Variants in TOPAZ1 observed in about 807,000 individuals in gnomAD.
TOPAZ1 encodes protein TOPAZ1.
Under a neutral mutation model 172.2 loss-of-function variants are expected in TOPAZ1, and 66 were observed. The observed-to-expected ratio is 0.38, with a 90% CI of 0.31 to 0.47. TOPAZ1 has a LOEUF of 0.47. TOPAZ1 is among the 20% of genes least tolerant of loss of function. The probability of loss-of-function intolerance (pLI) is 0.99; values close to 1 mark genes in which losing one functional copy is unlikely to be tolerated. For missense variants in TOPAZ1, 1,822 were observed against 1,972.4 expected (o/e 0.92, Z 1.44); for synonymous variants, 681 against 683.9 (o/e 1.00, Z 0.07).
intron 12 of TOPAZ1, among the ~76,000 whole-genome samples, chr3:44,295,462 T>G (rs1488871589): frequency 1.3e-5 from 2 of 152,188 alleles, no homozygotes; most frequent in Non-Finnish European, 2.9e-5. Flanking sequence ...AGGATTGCAG[T>G]TGGCAGAATA....
At chr3:44,312,557 T>C (rs1473951624) in intron 16 of TOPAZ1, among the ~76,000 whole-genome samples, 4 of 152,164 alleles carry the variant, frequency 2.6e-5, no homozygotes, top group Admixed American at 2.6e-4. Context: ...TTTTGTTTGG[T>C]GAGTGACAGA....
chr3:44,254,672 G>A (rs1381280930), intron 2 of TOPAZ1, among the ~76,000 whole-genome samples: 1 of 148,976 alleles, frequency 6.7e-6, no homozygotes, highest in Non-Finnish European at 1.5e-5. Context: ...ACACTATCTC[G>A]TATTGGTGTA....
chr3:44,242,268 CA>C lies in TOPAZ1; in HGVS notation c.216del (p.Ala74LeufsTer16). 6.5e-7 allele frequency: 1 copy of C among 1,550,098 alleles called. No individual in the cohort carries two copies. Among genetic ancestry groups the C allele is most frequent in the Admixed American group, 2.0e-5 (1 of 50,262 alleles). ...EVESDKSVAA[S>X]GAGKAARRQV... is the part of the protein sequence containing the mutation. ...GAAAGTGATAAGTCGGTTGCAGCAT[CA>C]GGGGCTGGAAAGGCCGCAAGGCGTC... On this transcript the variant is annotated frameshift_variant, in exon 1 of 20. Coordinates refer to ENST00000309765, the MANE Select transcript of TOPAZ1 (RefSeq NM_001145030.2). LOFTEE classifies it high-confidence loss of function.
At chr3:44,329,455 C>T (rs968226895) in intron 19 of TOPAZ1, among the ~76,000 whole-genome samples, 4 of 152,204 alleles carry the variant, frequency 2.6e-5, no homozygotes, top group African/African-American at 9.7e-5. Context: ...ACATGACTGA[C>T]AGCTAATTTC....
At chr3:44,256,406 C>G (rs1200873813) in intron 4 of TOPAZ1, 128 bp downstream of exon 4, 2 of 849,542 alleles carry the variant, frequency 2.4e-6, no homozygotes, top group African/African-American at 1.8e-5. Flanking sequence ...TCACGTCACT[C>G]TAGCCATGGG....
intron 19 of TOPAZ1, among the ~76,000 whole-genome samples, chr3:44,329,255 G>A (rs546235911): frequency 9.8e-5 from 15 of 152,286 alleles, no homozygotes; most frequent in South Asian, 2.1e-4. Context: ...GTCCTGGCTC[G>A]GGAATTTTCA....
chr3:44,243,289 G>A lies in TOPAZ1; in HGVS notation c.783G>A (p.Lys261=), dbSNP rs1397046865. Residue 261 remains lysine, a synonymous_variant, in exon 2 of 20, where the codon AAG becomes AAA. Transcript: ENST00000309765. ...GCMHVAENFS[K]KENLRSLAEK... Reference sequence around the variant, plus strand: ...TGCATGTAGCAGAAAATTTCTCAAAGAAAGAAAACCTTAGGAGTCTTGCAG... The same window carrying A: ...TGCATGTAGCAGAAAATTTCTCAAAAAAAGAAAACCTTAGGAGTCTTGCAG... The A allele has an allele frequency of 1.9e-6, 3 of 1,551,446 alleles. No individual in the cohort carries two copies. The Admixed American group carries it at 5.9e-5, about 30-fold the overall frequency.
chr3:44,298,919 T>A (rs867329217), intron 12 of TOPAZ1, among the ~76,000 whole-genome samples: 7,113 of 33,972 alleles, frequency 0.21, 411 homozygotes, highest in African/African-American at 0.23. Context: ...ATTTTTTTTT[T>A]TTTTTTTTTT....
intron 18 of TOPAZ1, among the ~76,000 whole-genome samples, chr3:44,325,957 A>G (rs987164109): frequency 2.6e-5 from 4 of 152,148 alleles, no homozygotes; most frequent in African/African-American, 4.8e-5. Flanking sequence ...CTGGCTTCTT[A>G]TACTTAGCCT....
chr3:44,249,980 A>G (rs1699611212), intron 2 of TOPAZ1, among the ~76,000 whole-genome samples: 1 of 152,196 alleles, frequency 6.6e-6, no homozygotes, highest in East Asian at 1.9e-4. Flanking sequence ...ATCCATAGGC[A>G]GCCATTGTAG....
chr3:44,278,983 C>T, intron 8 of TOPAZ1, among the ~76,000 whole-genome samples: 1 of 151,762 alleles, frequency 6.6e-6, no homozygotes, highest in African/African-American at 2.4e-5. Context: ...TATAAACTTC[C>T]CTTTTAGAAT....
Position 44,325,319 on chromosome 3 carries a change from CT to C in TOPAZ1, c.4675+2031del, listed in dbSNP as rs1013581072. 2.4e-4 allele frequency among the ~76,000 whole-genome samples: 37 copies of C among 152,066 alleles called. No homozygotes were observed. In the East Asian group the frequency reaches 5.0e-3, roughly 21 times the overall value. The stretch of plus-strand genomic sequence containing the variant: ...TGCCTTTGTTTTGACTTTTTTTAAA[CT>C]TTTTTTGTTTTAATATTTTTATGGC... On this transcript the variant is annotated intron_variant, in intron 18 of 19. Coordinates refer to ENST00000309765, the MANE Select transcript of TOPAZ1 (RefSeq NM_001145030.2).
chr3:44,286,770 T>C (rs1056374028), intron 9 of TOPAZ1, among the ~76,000 whole-genome samples: 1 of 152,180 alleles, frequency 6.6e-6, no homozygotes, highest in Non-Finnish European at 1.5e-5. Flanking sequence ...TAAATAATTT[T>C]AGTAAAATTA....
chr3:44,257,352 G>GTGT (rs1553645700), intron 4 of TOPAZ1, among the ~76,000 whole-genome samples: 13 of 110,400 alleles, frequency 1.2e-4, no homozygotes, highest in African/African-American at 5.0e-4. Flanking sequence ...AAAACATAGG[G>GTGT]GTGTGTGTGT....
chr3:44,299,957 T>TA (rs1553650248), intron 12 of TOPAZ1, among the ~76,000 whole-genome samples: 2 of 94,310 alleles, frequency 2.1e-5, no homozygotes, highest in Non-Finnish European at 4.1e-5. Flanking sequence ...TGTTGTGGGG[T>TA]GGGGGGAGGG....
chr3:44,297,758 A>AG (rs1050427766), intron 12 of TOPAZ1, among the ~76,000 whole-genome samples: 3 of 152,012 alleles, frequency 2.0e-5, no homozygotes, highest in African/African-American at 7.2e-5. Flanking sequence ...TTTAAAAAAA[A>AG]AACACTCTCC....
intron 16 of TOPAZ1, among the ~76,000 whole-genome samples, chr3:44,320,678 A>G (rs1167075141): frequency 6.6e-6 from 1 of 152,244 alleles, no homozygotes; most frequent in Non-Finnish European, 1.5e-5. Flanking sequence ...TGAAATTGTT[A>G]AACTTGTCCA....
intron 8 of TOPAZ1, 58 bp downstream of exon 8, chr3:44,270,868 A>T (rs1699888531): frequency 1.2e-5 from 17 of 1,431,528 alleles, no homozygotes; most frequent in Non-Finnish European, 1.6e-5. Context: ...TCAGTCATGC[A>T]TTTTAATTTA....
intron 15 of TOPAZ1, among the ~76,000 whole-genome samples, chr3:44,307,593 GT>G (rs1460358760): frequency 5.9e-5 from 9 of 152,006 alleles, no homozygotes; most frequent in African/African-American, 2.2e-4. Context: ...GAGGGATGGA[GT>G]TTATATAGAG....
Sources: gnomAD v4.1 joint callset for allele counts (sites outside exome capture counted in the v4.1 genomes callset) on GRCh38, gnomAD v4.1.1 for gene constraint, MANE v1.5 for transcripts, NCBI Gene and HGNC (gene_info 2026-07-23, HGNC 2026-07-21) for gene names.